ZBTB40: variants seen among roughly 807,000 people sequenced by gnomAD.
The protein encoded by ZBTB40 is zinc finger and BTB domain-containing protein 40.
Under a neutral mutation model 117.5 loss-of-function variants are expected in ZBTB40, and 60 were observed. The ratio of observed to expected loss-of-function variants is 0.51; its 90% CI spans 0.41 to 0.63. The LOEUF (loss-of-function observed/expected upper bound fraction) is 0.63. Ranked by LOEUF, ZBTB40 falls within the 30% of genes least tolerant of loss-of-function variation. ZBTB40 has a pLI of 0.00. For missense variants in ZBTB40, 1,287 were observed against 1,498.5 expected, an observed-to-expected ratio of 0.86 and a Z score of 2.33; for synonymous variants, 525 against 577.1, an observed-to-expected ratio of 0.91 and a Z score of 1.29.
At chr1:22,460,621 C>T (rs748901294) in intron 1 of ZBTB40, among the ~76,000 whole-genome samples, 6 of 152,020 alleles carry the variant, frequency 3.9e-5, no homozygotes, top group Non-Finnish European at 7.4e-5. Flanking sequence ...TTATGAGCTC[C>T]CATATACTTG....
At chr1:22,516,736 C>G (rs1639383401) in intron 12 of ZBTB40, among the ~76,000 whole-genome samples, 2 of 152,152 alleles carry the variant, frequency 1.3e-5, no homozygotes, top group African/African-American at 4.8e-5. Flanking sequence ...TCACAAATGC[C>G]AGTTCTCCAG....
intron 1 of ZBTB40, among the ~76,000 whole-genome samples, chr1:22,453,492 C>T (rs1425180841): frequency 5.3e-5 from 8 of 152,178 alleles, no homozygotes; most frequent in Admixed American, 5.2e-4. Flanking sequence ...AAGTGGTATA[C>T]AGGTAGACAA....
chr1:22,526,349 G>A lies in ZBTB40; in HGVS notation c.3673G>A (p.Asp1225Asn), dbSNP rs143028073. ...TGAGCTCGTGGCGGTGACTGTGGAG[G>A]ACTTGCTGGATGGCACAGTGACGCT... ...SSELVAVTVEDLLDGTVTLIC... is the reference protein window; with the variant it reads ...SSELVAVTVENLLDGTVTLIC... Residue 1225 changes from aspartate (D) to asparagine (N), a missense_variant, in exon 18 of 18, where the codon GAC (aspartate) becomes AAC (asparagine). Transcript: ENST00000375647. 7.5e-5 allele frequency: 121 copies of A among 1,614,192 alleles called. 1 individual carries two copies. Among genetic ancestry groups the A allele is most frequent in the Middle Eastern group, 3.3e-4 (2 of 6,060 alleles).
At position 22,502,412 on chromosome 1, in the gene ZBTB40, G is replaced by A; in HGVS notation, c.1138G>A (p.Glu380Lys). The A allele has an allele frequency of 6.2e-7, 1 of 1,614,084 alleles. No individual in the cohort carries two copies. Among genetic ancestry groups the A allele is most frequent in the Non-Finnish European group, 8.5e-7 (1 of 1,179,976 alleles). ...TATGGAGTCCCTGGAAACAGCCAAG[G>A]AGGAATTCCTGACTGGCACTGAAAA... ...PIMESLETAK[E>K]EFLTGTEKRV... Residue 380 changes from glutamate to lysine, a missense_variant, in exon 5 of 18, where the codon GAG (glutamate) becomes AAG (lysine). Physicochemically the swap from Glu to Lys is moderately conservative, Grantham distance 56. This residue lies in a region of ZBTB40 where 870 missense variants were observed against 934.4 expected (regional missense o/e 0.93). Coordinates refer to ENST00000375647, the MANE Select transcript of ZBTB40 (RefSeq NM_014870.4).
chr1:22,494,328 A>G (rs1307140424), intron 3 of ZBTB40, among the ~76,000 whole-genome samples: 1 of 152,226 alleles, frequency 6.6e-6, no homozygotes, highest in African/African-American at 2.4e-5. Flanking sequence ...GTCTGAAGCA[A>G]TCACTTTCTA....
chr1:22,487,583 A>G (rs1638504334), intron 1 of ZBTB40, among the ~76,000 whole-genome samples: 2 of 152,004 alleles, frequency 1.3e-5, no homozygotes, highest in African/African-American at 4.8e-5. Flanking sequence ...TTCAGTCCCT[A>G]AGTCATGACA....
intron 3 of ZBTB40, among the ~76,000 whole-genome samples, chr1:22,494,198 C>T (rs1638711273): frequency 6.6e-6 from 1 of 152,140 alleles, no homozygotes; most frequent in Non-Finnish European, 1.5e-5. Flanking sequence ...GGTGCCATGG[C>T]CATTTACTCT....
chr1:22,461,788 A>G (rs1220682799), intron 1 of ZBTB40, among the ~76,000 whole-genome samples: 1 of 152,224 alleles, frequency 6.6e-6, no homozygotes, highest in East Asian at 1.9e-4. Flanking sequence ...CAGCTGTGCC[A>G]TAAGCTCCTT....
At chr1:22,468,858 G>T (rs922577915) in intron 1 of ZBTB40, among the ~76,000 whole-genome samples, 5 of 151,646 alleles carry the variant, frequency 3.3e-5, no homozygotes, top group Non-Finnish European at 5.9e-5. Flanking sequence ...ACAGGGTCTT[G>T]CTCTATCACT....
At position 22,496,762 on chromosome 1, in the gene ZBTB40, C is replaced by T. The variant is rs1336201270; in HGVS notation, c.832-4730C>T. On this transcript the variant is annotated intron_variant, in intron 3 of 17. Transcript: ENST00000375647. ...TTCCACTTTCAGAAAGGCTTGCCCT[C>T]ATGGTGACAGAAATGGCAGCAGCTG... Among the ~76,000 whole-genome samples the T allele has an allele frequency of 3.3e-5, 5 of 152,206 alleles. No homozygotes were observed. The East Asian group carries it at 9.6e-4, about 29-fold the overall frequency.
At chr1:22,476,706 A>G (rs1569808390) in intron 1 of ZBTB40, among the ~76,000 whole-genome samples, 1 of 152,186 alleles carries the variant, frequency 6.6e-6, no homozygotes, top group Non-Finnish European at 1.5e-5. Context: ...TCTTTATTCT[A>G]TATCAGTATA....
intron 1 of ZBTB40, among the ~76,000 whole-genome samples, chr1:22,461,222 G>T (rs1273011830): frequency 6.6e-6 from 1 of 152,056 alleles, no homozygotes; most frequent in Non-Finnish European, 1.5e-5. Context: ...CATTCAGTTG[G>T]TACTCTGCTG....
chr1:22,496,242 G>A (rs1638770610), intron 3 of ZBTB40, among the ~76,000 whole-genome samples: 1 of 152,186 alleles, frequency 6.6e-6, no homozygotes, highest in East Asian at 1.9e-4. Context: ...TTGCAACTCA[G>A]TGACAGACAA....
intron 1 of ZBTB40, among the ~76,000 whole-genome samples, chr1:22,461,203 C>A (rs751864093): frequency 2.0e-5 from 3 of 152,184 alleles, no homozygotes; most frequent in Non-Finnish European, 4.4e-5. Context: ...ACTCTAGACA[C>A]AAGCTGCTCA....
In ZBTB40 at chr1:22,506,181, C is replaced by T. The variant is rs745410275; in HGVS notation, c.1300C>T (p.Pro434Ser). ...CCTCCAGGCTGTGAAGACGACTTTC[C>T]CAAACCTGGGCCTTCTGCTAGAGAA... Reference protein sequence around the residue: ...KLLQAVKTTFPNLGLLLEKLQ... With the variant: ...KLLQAVKTTFSNLGLLLEKLQ... The change falls in exon 6 of 18, where the codon CCA (proline) becomes TCA (serine). Residue 434 changes from proline (P) to serine (S), a missense_variant. Coordinates refer to ENST00000375647, the MANE Select transcript of ZBTB40 (RefSeq NM_014870.4). 2 of 1,614,134 alleles carry T rather than the reference C, an allele frequency of 1.2e-6. No individual in the cohort carries two copies. The highest frequency in any genetic ancestry group is 1.7e-6 in the Non-Finnish European group (2 of 1,180,022).
Position 22,522,358 on chromosome 1 carries a change from T to G in ZBTB40, c.3212-19T>G, listed in dbSNP as rs775089526. The G allele has an allele frequency of 1.2e-6, 2 of 1,613,756 alleles. No individual in the cohort carries two copies. The highest frequency in any genetic ancestry group is 2.2e-5 in the East Asian group (1 of 44,868). ...CCATTTGTTCTTTCCCAGCACGTCT[T>G]TCTTTATGCACTTCACAGATATGAA... On this transcript the variant is annotated intron_variant, in intron 15 of 17. Coordinates refer to ENST00000375647, the MANE Select transcript of ZBTB40 (RefSeq NM_014870.4).
intron 1 of ZBTB40, among the ~76,000 whole-genome samples, chr1:22,433,138 A>G (rs1174100524): frequency 6.6e-6 from 1 of 152,070 alleles, no homozygotes. Flanking sequence ...CAATCATAGA[A>G]AATAAGACAG....
At chr1:22,464,968 G>T (rs971195831) in intron 1 of ZBTB40, among the ~76,000 whole-genome samples, 1 of 152,116 alleles carries the variant, frequency 6.6e-6, no homozygotes, top group Non-Finnish European at 1.5e-5. Context: ...TTAGGGTGTC[G>T]ATTTTCTTCC....
chr1:22,464,693 G>T (rs183980015), intron 1 of ZBTB40, among the ~76,000 whole-genome samples: 1 of 152,072 alleles, frequency 6.6e-6, no homozygotes, highest in African/African-American at 2.4e-5. Context: ...ACCACTCTTA[G>T]CATTTTTCTG....
Sources: gnomAD v4.1 joint callset for allele counts (sites outside exome capture counted in the v4.1 genomes callset) on GRCh38, gnomAD v4.1.1 for gene constraint, gnomAD v4.1.1 regional missense constraint, MANE v1.5 for transcripts, NCBI Gene and HGNC (gene_info 2026-07-23, HGNC 2026-07-21) for gene names.